UNC5D: variants seen among roughly 807,000 people sequenced by gnomAD.
UNC5D encodes netrin receptor UNC5D.
Under a neutral mutation model 105.4 loss-of-function variants are expected in UNC5D, and 39 were observed. The observed-to-expected ratio is 0.37, with a 90% confidence interval of 0.29 to 0.48. The LOEUF is 0.48. UNC5D is among the 20% of genes least tolerant of loss of function. UNC5D has a pLI of 0.98. For synonymous variants in UNC5D, 452 were observed against 450.4 expected, an observed-to-expected ratio of 1.00 and a Z score of -0.04; for missense variants, 991 against 1,202.4, an observed-to-expected ratio of 0.82 and a Z score of 2.60.
At chr8:35,597,594 C>T (rs1320513576) in intron 4 of UNC5D, among the ~76,000 whole-genome samples, 1 of 152,178 alleles carries the variant, frequency 6.6e-6, no homozygotes, top group African/African-American at 2.4e-5. Flanking sequence ...CCTTCTGGTT[C>T]TGTGCCGGGT....
At chr8:35,276,517 T>A (rs963712738) in intron 1 of UNC5D, among the ~76,000 whole-genome samples, 4 of 152,216 alleles carry the variant, frequency 2.6e-5, no homozygotes, top group Non-Finnish European at 5.9e-5. Flanking sequence ...TGTACATATT[T>A]TGAGATAGTT....
chr8:35,760,771 G>C (rs557099077), intron 14 of UNC5D, among the ~76,000 whole-genome samples: 1 of 146,064 alleles, frequency 6.8e-6, no homozygotes, highest in Non-Finnish European at 1.5e-5. Flanking sequence ...CATCCTTGCA[G>C]CATTTTTTTT....
chr8:35,672,448 T>C, intron 4 of UNC5D, among the ~76,000 whole-genome samples: 1 of 152,132 alleles, frequency 6.6e-6, no homozygotes, highest in East Asian at 1.9e-4. Flanking sequence ...TCACACTATG[T>C]TTTAGAGCAC....
intron 1 of UNC5D, among the ~76,000 whole-genome samples, chr8:35,292,296 A>G (rs971531104): frequency 6.6e-6 from 1 of 152,196 alleles, no homozygotes; most frequent in Admixed American, 6.5e-5. Flanking sequence ...TGCATCTCTA[A>G]TTACCTTTAT....
chr8:35,265,058 C>T (rs28485846), intron 1 of UNC5D, among the ~76,000 whole-genome samples: 7,554 of 152,250 alleles, frequency 0.05, 213 homozygotes, highest in African/African-American at 0.077. Flanking sequence ...GGTCTCAGTG[C>T]ATACTCTCTA....
At chr8:35,741,068 C>A (rs1829734269) in intron 11 of UNC5D, among the ~76,000 whole-genome samples, 1 of 152,182 alleles carries the variant, frequency 6.6e-6, no homozygotes, top group Admixed American at 6.5e-5. Flanking sequence ...CATCATCTCA[C>A]TATCTCACTT....
At chr8:35,570,485 TCTC>T (rs1229684122) in intron 3 of UNC5D, among the ~76,000 whole-genome samples, 5 of 152,224 alleles carry the variant, frequency 3.3e-5, no homozygotes, top group African/African-American at 1.2e-4. Flanking sequence ...TATATTTGAT[TCTC>T]CACCACCATC....
At position 35,792,308 on chromosome 8, in the gene UNC5D, G is replaced by T. The variant is rs983454862; in HGVS notation, c.*1745G>T. 1.3e-5 allele frequency: 2 copies of T among 152,106 alleles called. No homozygotes were observed. The highest frequency in any genetic ancestry group is 4.8e-5 in the African/African-American group (2 of 41,416). The allele number at this position is 152,106 out of a possible 1,614,324, so 9.4% of individuals were successfully genotyped here. The stretch of plus-strand genomic sequence containing the variant: ...AAGGCATGGAAGAACTCTTGAATGT[G>T]TTGGCCATTTTCTCTAACTAACATG... On this transcript the variant is annotated 3_prime_UTR_variant, in exon 17 of 17. Coordinates refer to ENST00000404895, the MANE Select transcript of UNC5D (RefSeq NM_080872.4).
intron 1 of UNC5D, among the ~76,000 whole-genome samples, chr8:35,346,607 T>G (rs1811821927): frequency 6.6e-6 from 1 of 152,028 alleles, no homozygotes; most frequent in Admixed American, 6.6e-5. Context: ...TTATGTGTAT[T>G]AAATATTGTA....
At position 35,730,862 on chromosome 8, in the gene UNC5D, T is replaced by A. The variant is rs183174082; in HGVS notation, c.1682-150T>A. On this transcript the variant is annotated intron_variant, in intron 10 of 16. Coordinates refer to ENST00000404895, the MANE Select transcript of UNC5D (RefSeq NM_080872.4). ...TAAAACAATGTTTTTCCTGTTATAATCTTGAACCTTAAACTTTCCAAGGAT... is the reference window on the plus strand; with the variant it reads ...TAAAACAATGTTTTTCCTGTTATAAACTTGAACCTTAAACTTTCCAAGGAT... The A allele has an allele frequency of 7.7e-4, 486 of 632,150 alleles. 1 individual carries two copies. In the African/African-American group the frequency reaches 8.0e-3, roughly 10 times the overall value. The allele number at this position is 632,150 out of a possible 1,614,324, so 39.2% of individuals were successfully genotyped here. A position where few individuals can be genotyped will look rare whatever the true frequency, so the allele number is the denominator to read the frequency against.
chr8:35,657,448 G>A (rs1353215342), intron 4 of UNC5D, among the ~76,000 whole-genome samples: 4 of 151,690 alleles, frequency 2.6e-5, no homozygotes, highest in Non-Finnish European at 5.9e-5. Flanking sequence ...AAGTTCTTGG[G>A]CATTACCAGT....
At chr8:35,717,083 T>C (rs925869702) in intron 8 of UNC5D, among the ~76,000 whole-genome samples, 50 of 152,336 alleles carry the variant, frequency 3.3e-4, no homozygotes, top group African/African-American at 9.6e-4. Flanking sequence ...GTATTTACTG[T>C]ATGGATTCCT....
At chr8:35,483,336 G>A (rs578174809) in intron 1 of UNC5D, among the ~76,000 whole-genome samples, 1 of 152,286 alleles carries the variant, frequency 6.6e-6, no homozygotes, top group Admixed American at 6.5e-5. Flanking sequence ...TACTGATGGT[G>A]ACCAAATTTT....
intron 1 of UNC5D, among the ~76,000 whole-genome samples, chr8:35,387,850 T>C (rs1212459583): frequency 6.6e-6 from 1 of 152,192 alleles, no homozygotes; most frequent in African/African-American, 2.4e-5. Context: ...GCAATAAAAA[T>C]CATTTGGGAA....
At chr8:35,689,782 T>C (rs1285650979) in intron 7 of UNC5D, among the ~76,000 whole-genome samples, 1 of 152,240 alleles carries the variant, frequency 6.6e-6, no homozygotes, top group Non-Finnish European at 1.5e-5. Context: ...TCTGCTTTTT[T>C]TTTCAGTCTG....
intron 6 of UNC5D, among the ~76,000 whole-genome samples, chr8:35,686,162 A>G (rs888141185): frequency 2.6e-5 from 4 of 152,166 alleles, no homozygotes; most frequent in Non-Finnish European, 4.4e-5. Flanking sequence ...TAAACTGTCA[A>G]CCACTAAGAA....
At chr8:35,448,701 T>A (rs1807955371) in intron 1 of UNC5D, among the ~76,000 whole-genome samples, 1 of 152,134 alleles carries the variant, frequency 6.6e-6, no homozygotes, top group African/African-American at 2.4e-5. Flanking sequence ...ACTTTTACTA[T>A]AACCATCCTA....
At chr8:35,465,898 C>G (rs1809270176) in intron 1 of UNC5D, among the ~76,000 whole-genome samples, 1 of 152,042 alleles carries the variant, frequency 6.6e-6, no homozygotes, top group Non-Finnish European at 1.5e-5. Flanking sequence ...CACCATTGCT[C>G]ATTTTGAAGG....
chr8:35,610,232 T>G (rs1820581150), intron 4 of UNC5D, among the ~76,000 whole-genome samples: 1 of 152,110 alleles, frequency 6.6e-6, no homozygotes, highest in Non-Finnish European at 1.5e-5. Context: ...AGAGCCAACT[T>G]TAAAGCTCGA....
Sources: gnomAD v4.1 joint callset for allele counts (sites outside exome capture counted in the v4.1 genomes callset) on GRCh38, gnomAD v4.1.1 for gene constraint, MANE v1.5 for transcripts, NCBI Gene and HGNC (gene_info 2026-07-23, HGNC 2026-07-21) for gene names.